HECW2: variants seen among roughly 807,000 people sequenced by gnomAD.
The protein encoded by HECW2 is E3 ubiquitin-protein ligase HECW2.
Under a neutral mutation model 175.2 loss-of-function variants are expected in HECW2, and 61 were observed. The observed-to-expected ratio is 0.35, with a 90% CI of 0.28 to 0.43. The LOEUF is 0.43. Ranked by LOEUF, HECW2 falls within the 20% of genes least tolerant of loss-of-function variation. The pLI, the probability that HECW2 is intolerant of heterozygous loss-of-function variation, is 1.00. For missense variants in HECW2, 1,524 were observed against 2,000.5 expected (o/e 0.76, Z 4.54); for synonymous variants, 671 against 731.0 (o/e 0.92, Z 1.32).
intron 1 of HECW2, among the ~76,000 whole-genome samples, chr2:196,465,384 T>C (rs909589409): frequency 6.6e-6 from 1 of 152,174 alleles, no homozygotes; most frequent in African/African-American, 2.4e-5. Flanking sequence ...TGTGAAGCAG[T>C]AGTTAGCTTT....
At chr2:196,397,843 C>T (rs1575499844) in intron 2 of HECW2, among the ~76,000 whole-genome samples, 1 of 152,318 alleles carries the variant, frequency 6.6e-6, no homozygotes, top group East Asian at 1.9e-4. Context: ...TCTTTTAAGA[C>T]TCAAAGCAGT....
chr2:196,249,907 T>A (rs1445164767), intron 19 of HECW2, among the ~76,000 whole-genome samples: 1 of 152,210 alleles, frequency 6.6e-6, no homozygotes, highest in East Asian at 1.9e-4. Flanking sequence ...TACACAGGTC[T>A]TTGGAAAATG....
intron 1 of HECW2, among the ~76,000 whole-genome samples, chr2:196,488,152 AGCTT>A (rs991523514): frequency 1.3e-5 from 2 of 152,214 alleles, no homozygotes; most frequent in Admixed American, 1.3e-4. Context: ...CATAGAAGTC[AGCTT>A]GCTAATATTC....
At chr2:196,579,530 T>A (rs1264258275) in intron 1 of HECW2, among the ~76,000 whole-genome samples, 1 of 152,116 alleles carries the variant, frequency 6.6e-6, no homozygotes, top group Non-Finnish European at 1.5e-5. Flanking sequence ...AGATACTGTA[T>A]AATCAGAGAT....
chr2:196,276,277 A>T (rs1270319719), intron 15 of HECW2, among the ~76,000 whole-genome samples: 1 of 152,074 alleles, frequency 6.6e-6, no homozygotes, highest in Non-Finnish European at 1.5e-5. Context: ...GGAGGGCTGG[A>T]CACTCAGTCT....
intron 18 of HECW2, among the ~76,000 whole-genome samples, chr2:196,256,749 CA>C (rs1174157336): frequency 6.6e-6 from 1 of 152,206 alleles, no homozygotes; most frequent in Non-Finnish European, 1.5e-5. Flanking sequence ...GACCACCTAG[CA>C]TACTATATGC....
At position 196,306,626 on chromosome 2, in the gene HECW2, A is replaced by C. The variant is rs1691275750; in HGVS notation, c.2690-14T>G. On this transcript the variant is annotated splice_polypyrimidine_tract_variant and intron_variant, in intron 12 of 28. Transcript: ENST00000644978. The stretch of plus-strand genomic sequence containing the variant: ...CCCGTCGGAAATCTAGATGGGGCAG[A>C]CCACAGAGGCGGTCAGGGAAATCTT... 7 of 1,598,666 alleles carry C rather than the reference A, an allele frequency of 4.4e-6. No homozygotes were observed. The highest frequency in any genetic ancestry group is 5.1e-6 in the Non-Finnish European group (6 of 1,173,408).
chr2:196,278,962 C>A (rs1690082145), intron 14 of HECW2, among the ~76,000 whole-genome samples: 1 of 152,112 alleles, frequency 6.6e-6, no homozygotes, highest in South Asian at 2.1e-4. Context: ...GAAGAATGGA[C>A]ATTTAGGCTT....
chr2:196,381,295 T>C (rs958414956), intron 2 of HECW2, among the ~76,000 whole-genome samples: 3 of 152,152 alleles, frequency 2.0e-5, no homozygotes, highest in African/African-American at 7.2e-5. Context: ...GAAAAATGAT[T>C]AAATTCAGCA....
chr2:196,257,577 C>T (rs1302609188), intron 18 of HECW2, among the ~76,000 whole-genome samples: 1 of 152,164 alleles, frequency 6.6e-6, no homozygotes, highest in Admixed American at 6.5e-5. Context: ...CAACCTTTCC[C>T]TTTTCCAATA....
chr2:196,388,920 G>A (rs2125177099), intron 2 of HECW2, among the ~76,000 whole-genome samples: 1 of 152,274 alleles, frequency 6.6e-6, no homozygotes, highest in African/African-American at 2.4e-5. Context: ...GGGAAGACTG[G>A]CATTTGGAAG....
At chr2:196,349,804 T>C (rs1383163429) in intron 2 of HECW2, among the ~76,000 whole-genome samples, 2 of 152,160 alleles carry the variant, frequency 1.3e-5, no homozygotes, top group Non-Finnish European at 2.9e-5. Context: ...TTCTACTAAC[T>C]ATATAATGAC....
chr2:196,291,521 C>T (rs534032626), intron 14 of HECW2: 2 of 152,300 alleles, frequency 1.3e-5, no homozygotes, highest in African/African-American at 2.4e-5. Context: ...ACAAACACTC[C>T]AAGGGTTGTT....
At chr2:196,427,889 C>A in intron 2 of HECW2, among the ~76,000 whole-genome samples, 1 of 152,124 alleles carries the variant, frequency 6.6e-6, no homozygotes, top group East Asian at 1.9e-4. Flanking sequence ...TTGATATTTT[C>A]AACTTTTTTC....
At chr2:196,394,162 GA>G (rs1214072471) in intron 2 of HECW2, among the ~76,000 whole-genome samples, 1 of 151,124 alleles carries the variant, frequency 6.6e-6, no homozygotes, top group East Asian at 2.0e-4. Context: ...TGAGGGGGGA[GA>G]GGGGGGAGGG....
chr2:196,257,917 A>G lies in HECW2; in HGVS notation c.3336-11T>C. 3 of 1,594,966 alleles carry G rather than the reference A, an allele frequency of 1.9e-6. No homozygotes were observed. The South Asian group carries it at 3.3e-5, about 18-fold the overall frequency. On this transcript the variant is annotated splice_polypyrimidine_tract_variant and intron_variant, in intron 17 of 28. Transcript: ENST00000644978. Reference sequence around the variant, plus strand: ...AATTGGATCTTCTCCCTAATCAAGAAAAGAAACAGCACAAAATGTATATGG... The same window carrying G: ...AATTGGATCTTCTCCCTAATCAAGAGAAGAAACAGCACAAAATGTATATGG...
chr2:196,287,697 T>C (rs1690445220), intron 14 of HECW2, among the ~76,000 whole-genome samples: 1 of 152,234 alleles, frequency 6.6e-6, no homozygotes, highest in Admixed American at 6.5e-5. Context: ...TCCACTGATT[T>C]CATGTAATTC....
At chr2:196,462,899 A>G (rs1696802627) in intron 1 of HECW2, among the ~76,000 whole-genome samples, 1 of 152,164 alleles carries the variant, frequency 6.6e-6, no homozygotes, top group Non-Finnish European at 1.5e-5. Flanking sequence ...ACAAACTCTC[A>G]CTTATTCATT....
intron 2 of HECW2, among the ~76,000 whole-genome samples, chr2:196,409,534 C>A (rs759994269): frequency 6.6e-6 from 1 of 152,164 alleles, no homozygotes; most frequent in Non-Finnish European, 1.5e-5. Flanking sequence ...CTGTTTCAGT[C>A]TGATGCATTT....
Sources: gnomAD v4.1 joint callset for allele counts (sites outside exome capture counted in the v4.1 genomes callset) on GRCh38, gnomAD v4.1.1 for gene constraint, MANE v1.5 for transcripts, NCBI Gene and HGNC (gene_info 2026-07-23, HGNC 2026-07-21) for gene names.